Variants in AFAP1 observed in about 807,000 individuals in gnomAD.
The protein encoded by AFAP1 is actin filament associated protein 1.
AFAP1 carries 75 observed loss-of-function variants against 93.9 expected under a neutral mutation model. The ratio of observed to expected loss-of-function variants is 0.80; its 90% CI spans 0.66 to 0.97. The LOEUF (loss-of-function observed/expected upper bound fraction) is 0.97. Among genes scored for constraint, AFAP1 ranks in the 50% least tolerant of loss-of-function variants. The probability of loss-of-function intolerance (pLI) is 0.00; values close to 1 mark genes in which losing one functional copy is unlikely to be tolerated. For missense variants in AFAP1, 1,201 were observed against 1,050.8 expected, an observed-to-expected ratio of 1.14 and a Z score of -1.98; for synonymous variants, 517 against 430.7, an observed-to-expected ratio of 1.20 and a Z score of -2.48.
intron 2 of AFAP1, among the ~76,000 whole-genome samples, chr4:7,871,068 A>C (rs780758395): frequency 1.3e-5 from 2 of 151,960 alleles, no homozygotes; most frequent in Non-Finnish European, 2.9e-5. Context: ...CCGGTCTCTC[A>C]CTCAACTGGT....
intron 17 of AFAP1, among the ~76,000 whole-genome samples, chr4:7,764,561 G>C (rs182089037): frequency 6.6e-6 from 1 of 152,140 alleles, no homozygotes; most frequent in Non-Finnish European, 1.5e-5. Flanking sequence ...ATTTTACATC[G>C]TGTTTATTTT....
chr4:7,830,700 C>T (rs1721808281), intron 6 of AFAP1, among the ~76,000 whole-genome samples: 1 of 152,134 alleles, frequency 6.6e-6, no homozygotes, highest in Non-Finnish European at 1.5e-5. Flanking sequence ...CCTCAAACTC[C>T]TGGGGCTCCA....
chr4:7,765,740 A>C (rs1714461557), intron 17 of AFAP1, among the ~76,000 whole-genome samples: 1 of 152,236 alleles, frequency 6.6e-6, no homozygotes, highest in Non-Finnish European at 1.5e-5. Context: ...AGCAGAAGGC[A>C]CAGACGCCAG....
intron 16 of AFAP1, among the ~76,000 whole-genome samples, chr4:7,770,680 G>T (rs1297359463): frequency 6.6e-6 from 1 of 152,174 alleles, no homozygotes; most frequent in African/African-American, 2.4e-5. Context: ...CCTCCCAGGT[G>T]TCTGGAGGTC....
Position 7,881,220 on chromosome 4 carries a change from G to T in AFAP1, c.-2-9140C>A, listed in dbSNP as rs765674034. Reference sequence around the variant, plus strand: ...TCCCTCTGTACGTCCCCGCTCCCCTGTCTAGTCTACACCACTCATCCCCCA... The same window carrying T: ...TCCCTCTGTACGTCCCCGCTCCCCTTTCTAGTCTACACCACTCATCCCCCA... On this transcript the variant is annotated intron_variant, in intron 1 of 17. Transcript: ENST00000420658. 1.3e-5 allele frequency among the ~76,000 whole-genome samples: 2 copies of T among 151,966 alleles called. 1 individual carries two copies. The highest frequency in any genetic ancestry group is 2.9e-5 in the Non-Finnish European group (2 of 67,978).
At position 7,838,330 on chromosome 4, in the gene AFAP1, A is replaced by G. The variant is rs139320227; in HGVS notation, c.726+194T>C. Among the ~76,000 whole-genome samples the G allele has an allele frequency of 3.6e-3, 543 of 152,354 alleles. 3 individuals carry two copies. The highest frequency in any genetic ancestry group is 0.013 in the African/African-American group (528 of 41,586). ...AACAGAGACAAGCTGCCTTTTAAAG[A>G]TAAGAGTGAAAGTGACGCGGGGTTT... On this transcript the variant is annotated intron_variant, in intron 6 of 17. Transcript: ENST00000420658.
chr4:7,939,462 G>A lies in AFAP1; in HGVS notation c.-3+194C>T. On this transcript the variant is annotated intron_variant, in intron 1 of 17. Coordinates refer to ENST00000420658, the MANE Select transcript of AFAP1 (RefSeq NM_001134647.2). This position sits in a 1 kb window ranked among gnomAD's most constrained non-coding sequence, Gnocchi z 5.6. Reference sequence around the variant, plus strand: ...GAGCAGTGGGGACCGGCCCCCACCCGCAGGACGACCGGGACCCCCGCGCGG... The same window carrying A: ...GAGCAGTGGGGACCGGCCCCCACCCACAGGACGACCGGGACCCCCGCGCGG... The A allele has an allele frequency of 3.4e-6, 1 of 296,544 alleles. No individual in the cohort carries two copies. Among genetic ancestry groups the A allele is most frequent in the South Asian group, 2.6e-5 (1 of 38,626 alleles). The allele number at this position is 296,544 out of a possible 1,614,324, so 18.4% of individuals were successfully genotyped here.
At chr4:7,816,817 T>C (rs1720520229) in intron 7 of AFAP1, among the ~76,000 whole-genome samples, 1 of 152,112 alleles carries the variant, frequency 6.6e-6, no homozygotes, top group Non-Finnish European at 1.5e-5. Flanking sequence ...ACAGATGAGA[T>C]ATGTGAGCAG....
intron 6 of AFAP1, among the ~76,000 whole-genome samples, chr4:7,825,443 T>A (rs1036126128): frequency 6.6e-6 from 1 of 152,116 alleles, no homozygotes; most frequent in Non-Finnish European, 1.5e-5. Context: ...AACAGATAAT[T>A]TTAAAGACAT....
At chr4:7,905,938 C>T (rs1027206980) in intron 1 of AFAP1, among the ~76,000 whole-genome samples, 1 of 152,204 alleles carries the variant, frequency 6.6e-6, no homozygotes, top group Non-Finnish European at 1.5e-5. Context: ...GGGGGACACG[C>T]ATGCAACGTG....
At chr4:7,863,955 C>T in intron 3 of AFAP1, among the ~76,000 whole-genome samples, 1 of 152,188 alleles carries the variant, frequency 6.6e-6, no homozygotes, top group Admixed American at 6.5e-5. Flanking sequence ...CAACCCATTC[C>T]CAACTTCCCA....
intron 12 of AFAP1, among the ~76,000 whole-genome samples, chr4:7,783,811 G>T (rs929612349): frequency 6.6e-6 from 1 of 152,238 alleles, no homozygotes; most frequent in East Asian, 1.9e-4. Context: ...TCACAGGTTC[G>T]TGTGTAAGGC....
intron 6 of AFAP1, among the ~76,000 whole-genome samples, chr4:7,833,778 C>A (rs187903797): frequency 6.6e-6 from 1 of 151,898 alleles, no homozygotes; most frequent in Non-Finnish European, 1.5e-5. Context: ...TTAGTAGACA[C>A]AGGGTTTCAC....
At chr4:7,874,980 A>C (rs1366626797) in intron 1 of AFAP1, among the ~76,000 whole-genome samples, 1 of 152,170 alleles carries the variant, frequency 6.6e-6, no homozygotes, top group East Asian at 1.9e-4. Flanking sequence ...AAGCTCTTTA[A>C]GGTCTTCAAA....
chr4:7,900,523 A>G (rs899101733), intron 1 of AFAP1, among the ~76,000 whole-genome samples: 3 of 152,320 alleles, frequency 2.0e-5, no homozygotes, highest in African/African-American at 7.2e-5. Context: ...GGTGCTTCCC[A>G]GGAAGCAATT....
intron 13 of AFAP1, 25 bp from the exon 14 acceptor site, chr4:7,778,901 A>T: frequency 6.7e-7 from 1 of 1,487,276 alleles, no homozygotes; most frequent in Admixed American, 2.0e-5. Flanking sequence ...ATATAAGAAC[A>T]TTAAAAATAA....
intron 3 of AFAP1, among the ~76,000 whole-genome samples, chr4:7,857,579 G>A (rs1715208597): frequency 6.6e-6 from 1 of 152,188 alleles, no homozygotes; most frequent in Admixed American, 6.5e-5. Flanking sequence ...TCTTCCTACA[G>A]ACGCAACAGA....
At position 7,939,666 on chromosome 4, in the gene AFAP1, C is replaced by T. The variant is rs1721624264; in HGVS notation, c.-13G>A. Reference sequence around the variant, plus strand: ...GTCGCGCCGTCTCACCTCAGGCCGCCACCTCGCAGCGCTCGCTCCTCGCCG... The same window carrying T: ...GTCGCGCCGTCTCACCTCAGGCCGCTACCTCGCAGCGCTCGCTCCTCGCCG... On this transcript the variant is annotated 5_prime_UTR_variant, in exon 1 of 18. Coordinates refer to ENST00000420658, the MANE Select transcript of AFAP1 (RefSeq NM_001134647.2). The surrounding 1 kb of genome is among the most constrained non-coding windows in gnomAD (Gnocchi z 5.6). 1 of 418,558 alleles carries T rather than the reference C, an allele frequency of 2.4e-6. No homozygotes were observed. Among genetic ancestry groups the T allele is most frequent in the Admixed American group, 2.6e-5 (1 of 38,638 alleles). 25.9% of individuals were successfully genotyped at this position (418,558 alleles called of 1,614,324 possible). A position where few individuals can be genotyped will look rare whatever the true frequency, so the allele number is the denominator to read the frequency against.
At chr4:7,860,871 C>T (rs930754857) in intron 3 of AFAP1, among the ~76,000 whole-genome samples, 25 of 152,318 alleles carry the variant, frequency 1.6e-4, no homozygotes, top group Non-Finnish European at 1.8e-4. Context: ...CTCCTCCCCG[C>T]GCCCAAGGCA....
Sources: gnomAD v4.1 joint callset for allele counts (sites outside exome capture counted in the v4.1 genomes callset) on GRCh38, gnomAD v4.1.1 for gene constraint, Gnocchi (gnomAD v3.1) non-coding constraint, MANE v1.5 for transcripts, NCBI Gene and HGNC (gene_info 2026-07-23, HGNC 2026-07-21) for gene names.